DDX10: variants seen among roughly 807,000 people sequenced by gnomAD.
The protein encoded by DDX10 is DEAD-box helicase 10, also known as probable ATP-dependent RNA helicase DDX10.
Under a neutral mutation model 104.3 loss-of-function variants are expected in DDX10, and 74 were observed. That is an observed-to-expected ratio of 0.71 (90% CI 0.59 to 0.86). DDX10 has a LOEUF of 0.86. DDX10 is among the 40% of genes least tolerant of loss of function. The pLI, the probability that DDX10 is intolerant of heterozygous loss-of-function variation, is 0.00. For missense variants in DDX10, 952 were observed against 1,040.0 expected (o/e 0.92, Z 1.16); for synonymous variants, 351 against 353.4 (o/e 0.99, Z 0.08).
chr11:108,678,175 A>G (rs2094228664), intron 4 of DDX10, 140 bp from the exon 5 acceptor site: 1 of 809,348 alleles, frequency 1.2e-6, no homozygotes, highest in Admixed American at 3.5e-5. Flanking sequence ...GTTCAGAAAT[A>G]CAAGGGAAAA....
At position 108,841,264 on chromosome 11, in the gene DDX10, T is replaced by C. The variant is rs377315721; in HGVS notation, c.2086-51T>C. The C allele has an allele frequency of 2.5e-5, 37 of 1,510,088 alleles. No individual in the cohort carries two copies. The South Asian group carries it at 3.8e-4, about 15-fold the overall frequency. The allele number at this position is 1,510,088 out of a possible 1,614,324, so 93.5% of individuals were successfully genotyped here. A position where few individuals can be genotyped will look rare whatever the true frequency, so the allele number is the denominator to read the frequency against. ...ATCATCAGACAAAATGAAGTGTCTT[T>C]CTGGGGTATTCCCTACTTCCTGTTG... On this transcript the variant is annotated intron_variant, in intron 14 of 17. Transcript: ENST00000322536.
At chr11:108,772,974 C>T (rs907724975) in intron 13 of DDX10, among the ~76,000 whole-genome samples, 1 of 152,098 alleles carries the variant, frequency 6.6e-6, no homozygotes, top group Non-Finnish European at 1.5e-5. Flanking sequence ...GGTAAAATTT[C>T]GGTATTATTG....
chr11:108,721,679 A>G (rs1234327188), intron 12 of DDX10, among the ~76,000 whole-genome samples: 9 of 152,280 alleles, frequency 5.9e-5, no homozygotes, highest in African/African-American at 2.2e-4. Flanking sequence ...TCCTTGAGGT[A>G]TGTAATTTCC....
At chr11:108,813,168 CT>C (rs1381879415) in intron 13 of DDX10, among the ~76,000 whole-genome samples, 4 of 151,978 alleles carry the variant, frequency 2.6e-5, no homozygotes, top group African/African-American at 9.6e-5. Context: ...GAATAAATTC[CT>C]AGAAGTGAAA....
At chr11:108,898,315 G>C (rs1333792094) in intron 16 of DDX10, among the ~76,000 whole-genome samples, 5 of 152,032 alleles carry the variant, frequency 3.3e-5, no homozygotes, top group African/African-American at 9.7e-5. Flanking sequence ...CTGAGGTCTT[G>C]GCATATTCAG....
intron 13 of DDX10, among the ~76,000 whole-genome samples, chr11:108,743,666 A>G (rs1487765564): frequency 6.6e-6 from 1 of 152,172 alleles, no homozygotes; most frequent in East Asian, 1.9e-4. Flanking sequence ...CTAAGTGTTT[A>G]TATGGTTTTG....
intron 13 of DDX10, among the ~76,000 whole-genome samples, chr11:108,800,219 G>A (rs1278004469): frequency 3.3e-5 from 5 of 150,460 alleles, no homozygotes; most frequent in Admixed American, 6.6e-5. Context: ...CGAGACAGGC[G>A]GATCACGAGG....
At chr11:108,823,682 G>T (rs1351863480) in intron 13 of DDX10, among the ~76,000 whole-genome samples, 1 of 152,060 alleles carries the variant, frequency 6.6e-6, no homozygotes, top group Non-Finnish European at 1.5e-5. Flanking sequence ...AAAAATTGGT[G>T]GTTCACTGAA....
intron 13 of DDX10, among the ~76,000 whole-genome samples, chr11:108,759,335 G>C (rs1407779691): frequency 6.6e-6 from 1 of 151,962 alleles, no homozygotes; most frequent in Non-Finnish European, 1.5e-5. Context: ...AATAGCATTT[G>C]TTTATGGGAT....
At chr11:108,936,780 A>G (rs1009828192) in intron 17 of DDX10, among the ~76,000 whole-genome samples, 7 of 152,298 alleles carry the variant, frequency 4.6e-5, no homozygotes, top group Admixed American at 3.9e-4. Context: ...TTGTGCCTAA[A>G]TCTTTGTCTA....
chr11:108,871,133 A>G (rs1863076571), intron 16 of DDX10, among the ~76,000 whole-genome samples: 1 of 152,182 alleles, frequency 6.6e-6, no homozygotes, highest in South Asian at 2.1e-4. Flanking sequence ...GTCCAAGTTC[A>G]TATGTAAACT....
intron 6 of DDX10, among the ~76,000 whole-genome samples, chr11:108,685,640 AT>A (rs34118002): frequency 0.16 from 23,940 of 152,194 alleles, 1,924 homozygotes; most frequent in East Asian, 0.25. Context: ...AGGCATGGTC[AT>A]TGTGTTAAGC....
chr11:108,937,538 A>C (rs1184256357), intron 17 of DDX10, among the ~76,000 whole-genome samples: 3 of 152,170 alleles, frequency 2.0e-5, no homozygotes, highest in Non-Finnish European at 4.4e-5. Context: ...GCAATGAGTG[A>C]GTTGTTTGGC....
At chr11:108,845,986 C>T (rs1862712320) in intron 15 of DDX10, among the ~76,000 whole-genome samples, 1 of 152,136 alleles carries the variant, frequency 6.6e-6, no homozygotes. Context: ...ACTATTACAC[C>T]TGTCTTTGAA....
At chr11:108,777,641 T>A (rs1173571399) in intron 13 of DDX10, among the ~76,000 whole-genome samples, 2 of 152,062 alleles carry the variant, frequency 1.3e-5, no homozygotes, top group Admixed American at 6.6e-5. Flanking sequence ...CTTTTTCACT[T>A]TAAAATTATT....
intron 13 of DDX10, among the ~76,000 whole-genome samples, chr11:108,732,653 T>C (rs1454111231): frequency 1.3e-5 from 2 of 151,696 alleles, no homozygotes; most frequent in African/African-American, 4.8e-5. Flanking sequence ...GTGCCACGAG[T>C]GATGAAGCAA....
chr11:108,706,665 C>G, intron 9 of DDX10, 74 bp from the exon 10 acceptor site: 1 of 1,146,788 alleles, frequency 8.7e-7, no homozygotes, highest in Non-Finnish European at 1.3e-6. Flanking sequence ...CCATGTTTAC[C>G]TATGCATCAC....
chr11:108,728,027 A>T (rs2094307455), intron 13 of DDX10, among the ~76,000 whole-genome samples: 1 of 152,150 alleles, frequency 6.6e-6, no homozygotes, highest in South Asian at 2.1e-4. Context: ...TGGGGGAAAA[A>T]AGTCCTAGAA....
At chr11:108,718,706 GCCAA>G (rs749220426) in intron 11 of DDX10, among the ~76,000 whole-genome samples, 1 of 152,198 alleles carries the variant, frequency 6.6e-6, no homozygotes, top group East Asian at 1.9e-4. Flanking sequence ...TAGCAGAATG[GCCAA>G]CTGTGTTGCC....
Sources: gnomAD v4.1 joint callset for allele counts (sites outside exome capture counted in the v4.1 genomes callset) on GRCh38, gnomAD v4.1.1 for gene constraint, MANE v1.5 for transcripts, NCBI Gene and HGNC (gene_info 2026-07-23, HGNC 2026-07-21) for gene names.